Variants in BDP1 observed in about 807,000 individuals in gnomAD.
BDP1 encodes the protein transcription factor TFIIIB component B'' homolog.
A neutral mutation model predicts 266.6 loss-of-function variants in BDP1; 169 were observed. The ratio of observed to expected loss-of-function variants is 0.63; its 90% CI spans 0.56 to 0.72. The LOEUF is 0.72. Among genes scored for constraint, BDP1 ranks in the 30% least tolerant of loss-of-function variants. The pLI, the probability that BDP1 is intolerant of heterozygous loss-of-function variation, is 0.00. For synonymous variants in BDP1, 1,090 were observed against 1,022.4 expected (o/e 1.07, Z -1.26); for missense variants, 3,015 against 3,053.8 (o/e 0.99, Z 0.30).
At position 71,544,445 on chromosome 5, in the gene BDP1, A is replaced by G; in HGVS notation, c.6501A>G (p.Lys2167=). 7 of 1,614,158 alleles carry G rather than the reference A, an allele frequency of 4.3e-6. No individual in the cohort carries two copies. Among genetic ancestry groups the G allele is most frequent in the Non-Finnish European group, 5.9e-6 (7 of 1,179,992 alleles). The change falls in exon 31 of 39, where the codon AAA becomes AAG. Residue 2167 remains lysine (K), a synonymous_variant. Coordinates refer to ENST00000358731, the MANE Select transcript of BDP1 (RefSeq NM_018429.3). Reference sequence around the variant, plus strand: ...CAGCAGAGAATAAGGATCAGAGCAAATTGGCATGTGTACATGGTATCAAAG... The same window carrying G: ...CAGCAGAGAATAAGGATCAGAGCAAGTTGGCATGTGTACATGGTATCAAAG... ...VTTAENKDQS[K]LACVHGIKGT...
chr5:71,560,137 G>A lies in BDP1; in HGVS notation c.7396G>A (p.Asp2466Asn), dbSNP rs1298240461. 5.6e-6 allele frequency: 9 copies of A among 1,614,028 alleles called. No homozygotes were observed. The highest frequency in any genetic ancestry group is 1.3e-5 in the African/African-American group (1 of 74,920). The change falls in exon 37 of 39, where the codon GAT becomes AAT. Residue 2466 changes from aspartate to asparagine, a missense_variant. Physicochemically the swap from Asp to Asn is conservative, Grantham distance 23 (BLOSUM62 1). Coordinates refer to ENST00000358731, the MANE Select transcript of BDP1 (RefSeq NM_018429.3). ...CAAGAATGTGCCTCAGTTACCTCAGGATGAAATGATTGTGTCTGATAAGGA... is the reference window on the plus strand; with the variant it reads ...CAAGAATGTGCCTCAGTTACCTCAGAATGAAATGATTGTGTCTGATAAGGA... Reference protein sequence around the residue: ...MDKNVPQLPQDEMIVSDKEER... With the variant: ...MDKNVPQLPQNEMIVSDKEER...
chr5:71,458,231 A>C (rs1299707879), intron 1 of BDP1, among the ~76,000 whole-genome samples: 1 of 152,080 alleles, frequency 6.6e-6, no homozygotes, highest in Non-Finnish European at 1.5e-5. Flanking sequence ...GAAATTAATT[A>C]TAAATTATTA....
At position 71,509,826 on chromosome 5, in the gene BDP1, A is replaced by G; in HGVS notation, c.2734A>G (p.Arg912Gly). The change falls in exon 17 of 39, where the codon AGG becomes GGG. Residue 912 changes from arginine (R) to glycine (G), a missense_variant. By Grantham distance (125) the Arg-to-Gly change is moderately radical. Around this residue, in one of 3 missense-constraint regions of BDP1, gnomAD observed 2,383 missense variants for 2,404.9 expected, o/e 0.99. Transcript: ENST00000358731. Reference protein sequence around the residue: ...LKAMGREICLREKTPEVIDAT... With the variant: ...LKAMGREICLGEKTPEVIDAT... ...AGCAATGGGAAGAGAGATTTGTCTA[A>G]GGGAGAAGACGCCAGAGGTGATTGA... The G allele has an allele frequency of 6.2e-7, 1 of 1,614,104 alleles. No homozygotes were observed. The highest frequency in any genetic ancestry group is 1.3e-5 in the African/African-American group (1 of 75,058).
chr5:71,504,654 G>A lies in BDP1; in HGVS notation c.2275G>A (p.Asp759Asn). ...ACACATGGAAGATCAATCGCGTAAA[G>A]ATTTTGAAGAGGAAGATGTCATATT... ...PQHMEDQSRK[D>N]FEEEDVILQP... Residue 759 changes from aspartate to asparagine, a missense_variant, in exon 16 of 39, where the codon GAT becomes AAT. Asp to Asn is a conservative substitution (Grantham distance 23, BLOSUM62 1). This residue lies in a region of BDP1 where 2,383 missense variants were observed against 2,404.9 expected (regional missense o/e 0.99). Coordinates refer to ENST00000358731, the MANE Select transcript of BDP1 (RefSeq NM_018429.3). 6.2e-7 allele frequency: 1 copy of A among 1,613,620 alleles called. No homozygotes were observed. The highest frequency in any genetic ancestry group is 8.5e-7 in the Non-Finnish European group (1 of 1,179,770).
intron 33 of BDP1, 85 bp downstream of exon 33, chr5:71,548,830 A>G: frequency 9.9e-7 from 1 of 1,008,292 alleles, no homozygotes; most frequent in Non-Finnish European, 1.5e-6. Context: ...AACATAAAAC[A>G]GTTGTATTTT....
Position 71,510,722 on chromosome 5 carries a change from G to A in BDP1, c.3630G>A (p.Gln1210=), listed in dbSNP as rs1561729407. 1 of 1,614,090 alleles carries A rather than the reference G, an allele frequency of 6.2e-7. No individual in the cohort carries two copies. The highest frequency in any genetic ancestry group is 1.3e-5 in the African/African-American group (1 of 75,046). ...LEETEREISP[Q]ENGPEEVKPV... Reference sequence around the variant, plus strand: ...AAACTGAAAGAGAAATATCGCCACAGGAAAATGGCCCAGAGGAGGTCAAGC... The same window carrying A: ...AAACTGAAAGAGAAATATCGCCACAAGAAAATGGCCCAGAGGAGGTCAAGC... The change falls in exon 17 of 39, where the codon CAG becomes CAA. Residue 1210 remains glutamine, a synonymous_variant. Transcript: ENST00000358731.
chr5:71,512,899 T>TA (rs1388457501), intron 18 of BDP1, among the ~76,000 whole-genome samples: 5 of 150,972 alleles, frequency 3.3e-5, no homozygotes, highest in African/African-American at 1.2e-4. Context: ...CTCTATAAAA[T>TA]AAAAAAACAA....
chr5:71,553,146 A>G lies in BDP1; in HGVS notation c.7026A>G (p.Gln2342=), dbSNP rs189468594. The G allele has an allele frequency of 1.3e-4, 213 of 1,612,798 alleles. 2 individuals are homozygous for G. Among genetic ancestry groups the G allele is most frequent in the East Asian group, 4.0e-4 (18 of 44,838 alleles). Reference sequence around the variant, plus strand: ...GTTTACCAGCAACTTCAGTTGGTCAAGATGCCATGGGTTTATCTATTTCTG... The same window carrying G: ...GTTTACCAGCAACTTCAGTTGGTCAGGATGCCATGGGTTTATCTATTTCTG... ...SICLPATSVG[Q]DAMGLSISGR... is the part of the protein sequence containing the mutation. Residue 2342 remains glutamine, a synonymous_variant, in exon 35 of 39, where the codon CAA becomes CAG. Transcript: ENST00000358731.
chr5:71,456,321 C>A (rs1326451252), intron 1 of BDP1, among the ~76,000 whole-genome samples: 1 of 152,176 alleles, frequency 6.6e-6, no homozygotes, highest in East Asian at 1.9e-4. Context: ...ACCATGTCTT[C>A]AAGTGGTGGT....
chr5:71,509,670 A>G lies in BDP1; in HGVS notation c.2578A>G (p.Met860Val), dbSNP rs762557695. The G allele has an allele frequency of 1.2e-6, 2 of 1,612,594 alleles. No individual in the cohort carries two copies. Among genetic ancestry groups the G allele is most frequent in the Admixed American group, 1.7e-5 (1 of 59,618 alleles). ...TVRLDTSPKE[M>V]VPAEINTKEM... ...AAGACTAGACACCTCACCAAAGGAG[A>G]TGGTACCAGCAGAGATTAATACTAA... is the stretch of plus-strand genomic sequence containing the variant. Residue 860 changes from methionine to valine, a missense_variant, in exon 17 of 39, where the codon ATG (methionine) becomes GTG (valine). Physicochemically the swap from Met to Val is conservative, Grantham distance 21. Coordinates refer to ENST00000358731, the MANE Select transcript of BDP1 (RefSeq NM_018429.3).
At chr5:71,555,944 C>T (rs458016) in intron 35 of BDP1, among the ~76,000 whole-genome samples, 67,838 of 151,364 alleles carry the variant, frequency 0.45, 15,489 homozygotes, top group South Asian at 0.55. Flanking sequence ...CTTAGATTAA[C>T]TTAGGGGAAA....
intron 7 of BDP1, among the ~76,000 whole-genome samples, chr5:71,472,016 G>A (rs1338582431): frequency 2.6e-5 from 4 of 152,196 alleles, no homozygotes; most frequent in African/African-American, 9.7e-5. Flanking sequence ...ATTCTGTGAA[G>A]GCTAGAAATT....
At chr5:71,538,780 A>G (rs1766788038) in intron 26 of BDP1, among the ~76,000 whole-genome samples, 1 of 152,254 alleles carries the variant, frequency 6.6e-6, no homozygotes, top group South Asian at 2.1e-4. Context: ...TGGTAGACGT[A>G]CATAACAAAA....
intron 26 of BDP1, among the ~76,000 whole-genome samples, chr5:71,536,028 C>T: frequency 6.6e-6 from 1 of 152,100 alleles, no homozygotes; most frequent in Non-Finnish European, 1.5e-5. Flanking sequence ...GACCTGAATG[C>T]CTTTTATTTC....
Position 71,562,520 on chromosome 5 carries a change from G to A in BDP1, c.7743G>A (p.Gln2581=). The part of the protein sequence containing the change: ...QSENISSSAT[Q]VSCDQPLLKE... ...AGAATATTAGCAGCTCAGCAACTCAGGTATGTGATAACTACTGTATTTTAT... is the reference window on the plus strand; with the variant it reads ...AGAATATTAGCAGCTCAGCAACTCAAGTATGTGATAACTACTGTATTTTAT... Residue 2581 remains glutamine (Q), a splice_region_variant and synonymous_variant, in exon 38 of 39, where the codon CAG becomes CAA. Transcript: ENST00000358731. 6.2e-7 allele frequency: 1 copy of A among 1,613,126 alleles called. No homozygotes were observed. Among genetic ancestry groups the A allele is most frequent in the Non-Finnish European group, 8.5e-7 (1 of 1,179,590 alleles).
chr5:71,505,227 G>A (rs1341129986), intron 16 of BDP1, among the ~76,000 whole-genome samples: 1 of 151,952 alleles, frequency 6.6e-6, no homozygotes, highest in Non-Finnish European at 1.5e-5. Flanking sequence ...GGCTGGTCTC[G>A]AACTCCTGAC....
Position 71,470,380 on chromosome 5 carries a change from C to A in BDP1, c.920-15C>A. ...TAATTAATTTTCAATCATTCTAAAT[C>A]TTTTATTTTCACAGAAACAGATATG... On this transcript the variant is annotated splice_polypyrimidine_tract_variant and intron_variant, in intron 6 of 38. Coordinates refer to ENST00000358731, the MANE Select transcript of BDP1 (RefSeq NM_018429.3). 1 of 1,529,740 alleles carries A rather than the reference C, an allele frequency of 6.5e-7. No homozygotes were observed. The highest frequency in any genetic ancestry group is 1.8e-5 in the Admixed American group (1 of 56,388). The allele number at this position is 1,529,740 out of a possible 1,614,324, so 94.8% of individuals were successfully genotyped here.
intron 18 of BDP1, among the ~76,000 whole-genome samples, chr5:71,512,656 A>G (rs1412982067): frequency 6.6e-6 from 1 of 152,190 alleles, no homozygotes; most frequent in African/African-American, 2.4e-5. Context: ...TGATAGACTC[A>G]TATTTTCTTT....
chr5:71,542,358 T>A, intron 30 of BDP1, 93 bp downstream of exon 30: 1 of 1,133,068 alleles, frequency 8.8e-7, no homozygotes, highest in Non-Finnish European at 1.2e-6. Flanking sequence ...TAAATTGTTT[T>A]AACTTACAAT....
Sources: allele counts gnomAD v4.1 joint callset (sites outside exome capture counted in the v4.1 genomes callset), GRCh38; gene constraint gnomAD v4.1.1; regional missense constraint gnomAD v4.1.1; transcripts MANE v1.5; gene names NCBI Gene and HGNC (gene_info 2026-07-23, HGNC 2026-07-21).